NCKAP5: variants seen among roughly 807,000 people sequenced by gnomAD.
NCKAP5 encodes NCK associated protein 5.
Under a neutral mutation model 167.0 loss-of-function variants are expected in NCKAP5, and 92 were observed. That is an observed-to-expected ratio of 0.55 (90% CI 0.47 to 0.66). NCKAP5 has a LOEUF of 0.66. Ranked by LOEUF, NCKAP5 falls within the 30% of genes least tolerant of loss-of-function variation. NCKAP5 has a pLI of 0.00. For synonymous variants in NCKAP5, 891 were observed against 877.4 expected (o/e 1.02, Z -0.27); for missense variants, 2,378 against 2,315.0 (o/e 1.03, Z -0.56).
At chr2:133,101,865 G>A (rs549817510) in intron 6 of NCKAP5, among the ~76,000 whole-genome samples, 7 of 152,092 alleles carry the variant, frequency 4.6e-5, no homozygotes, top group Non-Finnish European at 5.9e-5. Flanking sequence ...GACAGGGTGC[G>A]CAATTGCAGA....
intron 5 of NCKAP5, among the ~76,000 whole-genome samples, chr2:133,143,997 A>G (rs866921691): frequency 1.1e-4 from 16 of 152,106 alleles, no homozygotes; most frequent in African/African-American, 3.1e-4. Context: ...GATGCATTTA[A>G]GCCTCTCCCT....
At chr2:133,045,727 C>G (rs914845484) in intron 6 of NCKAP5, among the ~76,000 whole-genome samples, 1 of 152,122 alleles carries the variant, frequency 6.6e-6, no homozygotes, top group Non-Finnish European at 1.5e-5. Context: ...TAAACTAGAA[C>G]CATTATAACA....
chr2:133,170,794 C>T (rs2084216240), intron 5 of NCKAP5, among the ~76,000 whole-genome samples: 1 of 152,164 alleles, frequency 6.6e-6, no homozygotes, highest in African/African-American at 2.4e-5. Context: ...TTGTGGATGT[C>T]CCATTTCACT....
At chr2:133,068,293 C>T (rs1201006453) in intron 6 of NCKAP5, among the ~76,000 whole-genome samples, 3 of 152,210 alleles carry the variant, frequency 2.0e-5, no homozygotes, top group Non-Finnish European at 4.4e-5. Context: ...GACAGAGCTG[C>T]AAATGTCCTC....
intron 3 of NCKAP5, among the ~76,000 whole-genome samples, chr2:133,382,621 A>T (rs973981007): frequency 6.6e-6 from 1 of 152,046 alleles, no homozygotes. Context: ...CATCCTTCAC[A>T]TCCCAGTTCC....
chr2:133,519,020 T>A (rs957523785), intron 2 of NCKAP5, among the ~76,000 whole-genome samples: 2 of 152,194 alleles, frequency 1.3e-5, no homozygotes, highest in South Asian at 4.1e-4. Flanking sequence ...GAAAGAAATA[T>A]GTTCCACAAC....
intron 4 of NCKAP5, among the ~76,000 whole-genome samples, chr2:133,218,318 T>C (rs958904947): frequency 1.3e-5 from 2 of 152,162 alleles, no homozygotes; most frequent in African/African-American, 4.8e-5. Flanking sequence ...CTTTAGAATT[T>C]TGCAACTCTC....
chr2:133,073,284 T>A (rs143724067), intron 6 of NCKAP5, among the ~76,000 whole-genome samples: 335 of 152,016 alleles, frequency 2.2e-3, no homozygotes, highest in Non-Finnish European at 3.5e-3. Flanking sequence ...GTCAAGCAAG[T>A]CTCAGCAAGA....
chr2:132,948,961 C>T (rs1246984093), intron 8 of NCKAP5, among the ~76,000 whole-genome samples: 1 of 149,574 alleles, frequency 6.7e-6, no homozygotes, highest in Non-Finnish European at 1.5e-5. Context: ...GGCCTGTGAA[C>T]TTTTGGTACA....
At chr2:132,678,827 A>G (rs13397751) in intron 19 of NCKAP5, among the ~76,000 whole-genome samples, 4,259 of 152,270 alleles carry the variant, frequency 0.028, 190 homozygotes, top group African/African-American at 0.097. Flanking sequence ...GTATTACCCC[A>G]GGTTTTTAAA....
At chr2:133,228,539 AG>A (rs1253792732) in intron 4 of NCKAP5, among the ~76,000 whole-genome samples, 6 of 152,306 alleles carry the variant, frequency 3.9e-5, no homozygotes, top group Non-Finnish European at 8.8e-5. Flanking sequence ...AACCAGCTTA[AG>A]TCTATATATT....
intron 6 of NCKAP5, among the ~76,000 whole-genome samples, chr2:133,021,837 C>A (rs1426909237): frequency 6.6e-6 from 1 of 152,082 alleles, no homozygotes; most frequent in Admixed American, 6.6e-5. Context: ...TGCCACTTTG[C>A]CCAGGCTGTT....
intron 5 of NCKAP5, among the ~76,000 whole-genome samples, chr2:133,199,341 T>G (rs978859718): frequency 1.3e-5 from 2 of 151,988 alleles, no homozygotes; most frequent in African/African-American, 4.8e-5. Flanking sequence ...CAACACATAT[T>G]TTGACAAGAG....
chr2:132,832,243 T>G (rs1289457335), intron 11 of NCKAP5, among the ~76,000 whole-genome samples: 2 of 152,186 alleles, frequency 1.3e-5, no homozygotes, highest in Non-Finnish European at 2.9e-5. Context: ...CATTGTATCA[T>G]TCTATAGTAA....
the NCKAP5 span, among the ~76,000 whole-genome samples, chr2:133,646,911 G>C: frequency 1.3e-5 from 2 of 152,000 alleles, no homozygotes; most frequent in African/African-American, 4.8e-5. Context: ...CTTAAAGTAG[G>C]CTTTTATAAC....
chr2:133,657,434 C>T, the NCKAP5 span, among the ~76,000 whole-genome samples: 6 of 152,184 alleles, frequency 3.9e-5, no homozygotes, highest in South Asian at 4.1e-4. Flanking sequence ...GCAACCTTTG[C>T]GAATATTTCA....
In NCKAP5 at chr2:133,107,291, C is replaced by G. The variant is rs561901161; in HGVS notation, c.341+22687G>C. 1.2e-4 allele frequency among the ~76,000 whole-genome samples: 19 copies of G among 152,318 alleles called. 1 individual carries two copies. In the South Asian group the frequency reaches 3.9e-3, roughly 32 times the overall value. On this transcript the variant is annotated intron_variant, in intron 6 of 19. Coordinates refer to ENST00000409261, the MANE Select transcript of NCKAP5 (RefSeq NM_207363.3). ...CTCCAACAGGGTCTGTGGGTCATGA[C>G]TGTGGCTGCATGTCGAGTCATGGTC...
chr2:133,260,248 C>T (rs991346559), intron 4 of NCKAP5, among the ~76,000 whole-genome samples: 1 of 152,174 alleles, frequency 6.6e-6, no homozygotes, highest in African/African-American at 2.4e-5. Context: ...TTGCCTGACA[C>T]ATGGTAGGCA....
At position 132,782,235 on chromosome 2, in the gene NCKAP5, C is replaced by T. The variant is rs1474406702; in HGVS notation, c.4576G>A (p.Asp1526Asn). Reference sequence around the variant, plus strand: ...TTTTCTACTTTGGTTTTGGAGATGTCCATTTTCCTGCTACTCAGAGCTGGA... The same window carrying T: ...TTTTCTACTTTGGTTTTGGAGATGTTCATTTTCCTGCTACTCAGAGCTGGA... ...RLPALSSRKM[D>N]ISKTKVEKKD... Residue 1526 changes from aspartate (D) to asparagine (N), a missense_variant, in exon 14 of 20, where the codon GAC becomes AAC. Physicochemically the swap from Asp to Asn is conservative, Grantham distance 23 (BLOSUM62 1). This residue lies in a region of NCKAP5 where 1,325 missense variants were observed against 1,274.5 expected (regional missense o/e 1.04). Transcript: ENST00000409261. 6.2e-7 allele frequency: 1 copy of T among 1,613,964 alleles called. No homozygotes were observed. Among genetic ancestry groups the T allele is most frequent in the African/African-American group, 1.3e-5 (1 of 75,020 alleles).
Sources: allele counts gnomAD v4.1 joint callset (sites outside exome capture counted in the v4.1 genomes callset), GRCh38; gene constraint gnomAD v4.1.1; regional missense constraint gnomAD v4.1.1; transcripts MANE v1.5; gene names NCBI Gene and HGNC (gene_info 2026-07-23, HGNC 2026-07-21).